LINGO1: variants seen among roughly 807,000 people sequenced by gnomAD.
LINGO1 encodes the protein leucine-rich repeat and immunoglobulin-like domain-containing nogo receptor-interacting protein 1.
LINGO1 carries 11 observed loss-of-function variants against 37.3 expected under a neutral mutation model. That is an observed-to-expected ratio of 0.29 (90% CI 0.19 to 0.49). The LOEUF is 0.49. Ranked by LOEUF, LINGO1 falls within the 20% of genes least tolerant of loss-of-function variation. The pLI is 0.99. For missense variants in LINGO1, 585 were observed against 878.2 expected (o/e 0.67, Z 4.22); for synonymous variants, 387 against 403.0 (o/e 0.96, Z 0.48).
chr15:77,714,856 A>G (rs1172747546), intron 2 of LINGO1, among the ~76,000 whole-genome samples: 1 of 152,194 alleles, frequency 6.6e-6, no homozygotes, highest in East Asian at 1.9e-4. Flanking sequence ...ACTCGATGAC[A>G]TGATCATTTC....
chr15:77,665,365 G>C (rs1413026007), intron 3 of LINGO1, among the ~76,000 whole-genome samples: 1 of 152,146 alleles, frequency 6.6e-6, no homozygotes, highest in Admixed American at 6.5e-5. Flanking sequence ...TCCTTGTCAA[G>C]GACCCCAACA....
chr15:77,713,256 G>GT (rs1213313673), intron 2 of LINGO1, among the ~76,000 whole-genome samples: 1 of 145,872 alleles, frequency 6.9e-6, no homozygotes, highest in Non-Finnish European at 1.5e-5. Flanking sequence ...GTGTGTGTGT[G>GT]TTGTAGAGAC....
At chr15:77,617,374 G>T (rs558270958) in intron 1 of LINGO1, among the ~76,000 whole-genome samples, 1 of 152,298 alleles carries the variant, frequency 6.6e-6, no homozygotes, top group African/African-American at 2.4e-5. Flanking sequence ...TGCTCCAGGG[G>T]TGGATCAGAT....
intron 1 of LINGO1, among the ~76,000 whole-genome samples, chr15:77,624,336 A>G (rs574330131): frequency 6.6e-6 from 1 of 151,950 alleles, no homozygotes; most frequent in African/African-American, 2.4e-5. Context: ...ATCCTCTCCC[A>G]CATGTGCTCA....
Position 77,666,385 on chromosome 15 carries a change from C to G in LINGO1, c.-13+10704G>C, listed in dbSNP as rs533778606. Among the ~76,000 whole-genome samples the G allele has an allele frequency of 2.0e-3, 312 of 152,306 alleles. 5 individuals are homozygous for G. The highest frequency in any genetic ancestry group is 1.6e-4 in the Non-Finnish European group (11 of 68,034). ...CACATCAGAGAACATGGGAGGGAGC[C>G]ATGGGGCCTGCGTAATATGGGGCTA... is the stretch of plus-strand genomic sequence containing the variant. On this transcript the variant is annotated intron_variant, in intron 3 of 3. Coordinates refer to the LINGO1 transcript ENST00000559893.
chr15:77,681,017 G>A (rs923461218), intron 2 of LINGO1, among the ~76,000 whole-genome samples: 11 of 152,056 alleles, frequency 7.2e-5, no homozygotes, highest in African/African-American at 1.2e-4. Flanking sequence ...ACGCCCCTGC[G>A]ACTTCTCACT....
At chr15:77,659,719 G>GT (rs2074946337) in intron 3 of LINGO1, among the ~76,000 whole-genome samples, 3 of 152,136 alleles carry the variant, frequency 2.0e-5, no homozygotes, top group African/African-American at 4.8e-5. Flanking sequence ...ATTACCATGG[G>GT]GGGCTGGATG....
chr15:77,722,410 T>G (rs1465531809), intron 2 of LINGO1, among the ~76,000 whole-genome samples: 1 of 152,196 alleles, frequency 6.6e-6, no homozygotes, highest in Non-Finnish European at 1.5e-5. Flanking sequence ...GGGCCCTGCC[T>G]GGCAGAGGAA....
intron 1 of LINGO1, among the ~76,000 whole-genome samples, chr15:77,739,118 T>A (rs1025849838): frequency 6.6e-6 from 1 of 152,230 alleles, no homozygotes; most frequent in Admixed American, 6.5e-5. Flanking sequence ...GGAGGGAGCC[T>A]TGGGGGCGGC....
chr15:77,810,342 ACATG>A (rs1353156947), intron 1 of LINGO1, among the ~76,000 whole-genome samples: 1 of 138,356 alleles, frequency 7.2e-6, no homozygotes, highest in African/African-American at 2.8e-5. Context: ...ACACACACAC[ACATG>A]CACACACACA....
chr15:77,745,485 C>A (rs2076305316), intron 1 of LINGO1, among the ~76,000 whole-genome samples: 1 of 152,048 alleles, frequency 6.6e-6, no homozygotes, highest in African/African-American at 2.4e-5. Flanking sequence ...TTCCATGTGT[C>A]CTGCTGAAAT....
intron 1 of LINGO1, among the ~76,000 whole-genome samples, chr15:77,622,752 ACCCCAG>A (rs1227642797): frequency 1.3e-5 from 2 of 152,124 alleles, no homozygotes; most frequent in African/African-American, 2.4e-5. Flanking sequence ...TGTGACGGTC[ACCCCAG>A]CCCGGGTTTT....
chr15:77,639,541 T>C (rs935318275), intron 3 of LINGO1, among the ~76,000 whole-genome samples: 1 of 151,884 alleles, frequency 6.6e-6, no homozygotes, highest in Non-Finnish European at 1.5e-5. Context: ...CATGGCAGGA[T>C]TGTTATAGCG....
At chr15:77,696,738 G>C (rs1157655960), upstream of LINGO1, among the ~76,000 whole-genome samples, 6 of 152,226 alleles carry the variant, frequency 3.9e-5, no homozygotes, top group African/African-American at 1.4e-4. Context: ...CAGTGGCTGA[G>C]TAGGAGCTTC....
At chr15:77,774,350 G>A (rs1412804631) in intron 1 of LINGO1, among the ~76,000 whole-genome samples, 2 of 152,160 alleles carry the variant, frequency 1.3e-5, no homozygotes, top group African/African-American at 4.8e-5. Flanking sequence ...ACCTCTCCCA[G>A]GGCCTATCTC....
intron 1 of LINGO1, among the ~76,000 whole-genome samples, chr15:77,771,657 G>A (rs1410096356): frequency 1.3e-5 from 2 of 152,246 alleles, no homozygotes; most frequent in African/African-American, 4.8e-5. Context: ...ACCCGAGGAG[G>A]AGGAGACTGC....
chr15:77,801,622 T>C lies in LINGO1; in HGVS notation c.-457-5569A>G, dbSNP rs959308654. On this transcript the variant is annotated intron_variant, in intron 1 of 5. Coordinates refer to the LINGO1 transcript ENST00000562933. ...TTTTTTTTTAATCCTTCTCAGACCC[T>C]AATAGGAAATGCAGATCTAAGCAGG... Among the ~76,000 whole-genome samples the C allele has an allele frequency of 2.6e-5, 4 of 151,062 alleles. No individual in the cohort carries two copies. The South Asian group carries it at 8.4e-4, about 32-fold the overall frequency.
At chr15:77,769,004 A>G (rs1396633821) in intron 1 of LINGO1, among the ~76,000 whole-genome samples, 1 of 152,076 alleles carries the variant, frequency 6.6e-6, no homozygotes, top group Non-Finnish European at 1.5e-5. Context: ...CCCAGCCTCC[A>G]CTGCCCAGGA....
At chr15:77,739,878 C>G (rs147050481) in intron 1 of LINGO1, among the ~76,000 whole-genome samples, 12 of 152,346 alleles carry the variant, frequency 7.9e-5, no homozygotes, top group South Asian at 4.1e-4. Flanking sequence ...GTGCCTCCCC[C>G]CAATGCATCA....
Sources: gnomAD v4.1 joint callset for allele counts (sites outside exome capture counted in the v4.1 genomes callset) on GRCh38, gnomAD v4.1.1 for gene constraint, MANE v1.5 for transcripts, NCBI Gene and HGNC (gene_info 2026-07-23, HGNC 2026-07-21) for gene names.